CRY1: variants seen among roughly 807,000 people sequenced by gnomAD.
CRY1 encodes the protein cryptochrome circadian regulator 1, also known as cryptochrome-1.
CRY1 carries 45 observed loss-of-function variants against 76.0 expected under a neutral mutation model. The observed-to-expected ratio is 0.59, with a 90% CI of 0.47 to 0.76. The LOEUF (loss-of-function observed/expected upper bound fraction) is 0.76. Among genes scored for constraint, CRY1 ranks in the 30% least tolerant of loss-of-function variants. The probability of loss-of-function intolerance (pLI) is 0.00; values close to 1 mark genes in which losing one functional copy is unlikely to be tolerated. For synonymous variants in CRY1, 248 were observed against 244.0 expected (o/e 1.02, Z -0.15); for missense variants, 587 against 716.4 (o/e 0.82, Z 2.06).
intron 1 of CRY1, among the ~76,000 whole-genome samples, chr12:107,058,292 A>G (rs10746081): frequency 0.55 from 83,310 of 151,892 alleles, 23,195 homozygotes; most frequent in East Asian, 0.72. Flanking sequence ...ACACAGATGC[A>G]CACACACACA....
intron 1 of CRY1, among the ~76,000 whole-genome samples, chr12:107,089,291 T>C (rs1953441148): frequency 6.6e-6 from 1 of 152,172 alleles, no homozygotes; most frequent in African/African-American, 2.4e-5. Flanking sequence ...ATCAAAAACA[T>C]GTTATTCTGA....
chr12:107,065,548 T>C (rs1953099617), intron 1 of CRY1, among the ~76,000 whole-genome samples: 1 of 151,984 alleles, frequency 6.6e-6, no homozygotes, highest in African/African-American at 2.4e-5. Flanking sequence ...TGAGCTGAGA[T>C]TGCGCCATTG....
chr12:107,010,633 G>A (rs1400157121), intron 2 of CRY1, among the ~76,000 whole-genome samples: 7 of 151,382 alleles, frequency 4.6e-5, no homozygotes, highest in South Asian at 2.1e-4. Context: ...TTTAAGAGAC[G>A]TGGTTTCACT....
chr12:107,010,815 T>C (rs975057002), intron 2 of CRY1, among the ~76,000 whole-genome samples: 1 of 151,940 alleles, frequency 6.6e-6, no homozygotes, highest in Admixed American at 6.6e-5. Context: ...TAAAAGAGGG[T>C]GAACTTAACT....
At chr12:107,005,393 T>G in intron 2 of CRY1, 145 bp from the exon 3 acceptor site, 2 of 826,100 alleles carry the variant, frequency 2.4e-6, no homozygotes, top group East Asian at 2.7e-5. Flanking sequence ...AGTAAACAAT[T>G]TATCAATTAA....
At chr12:107,071,876 AACTG>A (rs543056624) in intron 1 of CRY1, among the ~76,000 whole-genome samples, 217 of 152,318 alleles carry the variant, frequency 1.4e-3, no homozygotes, top group African/African-American at 5.1e-3. Context: ...TCAATTATCA[AACTG>A]ACTGACAAGA....
At chr12:107,060,221 T>C (rs1015895318) in intron 1 of CRY1, among the ~76,000 whole-genome samples, 7 of 152,232 alleles carry the variant, frequency 4.6e-5, no homozygotes, top group African/African-American at 1.4e-4. Context: ...AAAAAGCACA[T>C]GTTAGAAACT....
At chr12:107,019,923 G>A (rs1398955982) in intron 2 of CRY1, among the ~76,000 whole-genome samples, 1 of 151,526 alleles carries the variant, frequency 6.6e-6, no homozygotes, top group Non-Finnish European at 1.5e-5. Context: ...TGTCTCCCCA[G>A]CACCAAACAA....
In CRY1 at chr12:106,999,785, T is replaced by C; in HGVS notation, c.903A>G (p.Thr301=). The C allele has an allele frequency of 3.7e-6, 6 of 1,614,258 alleles. No individual in the cohort carries two copies. Among genetic ancestry groups the C allele is most frequent in the Non-Finnish European group, 5.1e-6 (6 of 1,180,044 alleles). ...CCATTTTATCAAAGCGTGGATTATT[T>C]GTTGCTGCTGTATAGAAAAATTCAC... ...LWREFFYTAA[T]NNPRFDKMEG... Residue 301 remains threonine, a synonymous_variant, in exon 7 of 13, where the codon ACA becomes ACG. Coordinates refer to ENST00000008527, the MANE Select transcript of CRY1 (RefSeq NM_004075.5).
intron 1 of CRY1, among the ~76,000 whole-genome samples, chr12:107,087,665 T>G (rs1439285186): frequency 6.6e-6 from 1 of 152,222 alleles, no homozygotes; most frequent in Non-Finnish European, 1.5e-5. Context: ...GAATCTGCCT[T>G]GAGTCTCGGA....
chr12:107,042,743 T>G (rs916267474), intron 1 of CRY1, among the ~76,000 whole-genome samples: 4 of 152,104 alleles, frequency 2.6e-5, no homozygotes, highest in East Asian at 1.9e-4. Context: ...GAAACCCTGG[T>G]GAGTACAGAA....
intron 2 of CRY1, among the ~76,000 whole-genome samples, chr12:107,016,617 A>G (rs1952500529): frequency 1.3e-5 from 2 of 152,176 alleles, no homozygotes; most frequent in Admixed American, 1.3e-4. Flanking sequence ...TCTGTTTCAT[A>G]ACTCTAGTCT....
At chr12:107,082,016 C>G (rs1953332057) in intron 1 of CRY1, among the ~76,000 whole-genome samples, 1 of 151,748 alleles carries the variant, frequency 6.6e-6, no homozygotes, top group Admixed American at 6.6e-5. Flanking sequence ...ATAAAAGCAG[C>G]TTTAAAACTA....
chr12:107,053,730 A>C (rs902046411), intron 1 of CRY1, among the ~76,000 whole-genome samples: 1 of 152,252 alleles, frequency 6.6e-6, no homozygotes, highest in African/African-American at 2.4e-5. Context: ...GGTTTCAAGG[A>C]GCACTGTAAA....
intron 1 of CRY1, among the ~76,000 whole-genome samples, chr12:107,073,714 T>C (rs1380456665): frequency 6.6e-6 from 1 of 152,048 alleles, no homozygotes; most frequent in African/African-American, 2.4e-5. Flanking sequence ...GGGCGACCAA[T>C]TGAGACAGAG....
In CRY1 at chr12:107,006,638, C is replaced by CGTTTTTTTTTTTTTTTTTTTTTT. The variant is rs71076707; in HGVS notation, c.268-1391_268-1390insAAAAAAAAAAAAAAAAAAAAAAC. On this transcript the variant is annotated intron_variant, in intron 2 of 12. Transcript: ENST00000008527. ...CTTGCCAATAATATGTATTAGTAAT[C>CGTTTTTTTTTTTTTTTTTTTTTT]TTTTTTTTTTTTTTTTTTAGATGAC... Among the ~76,000 whole-genome samples, 3 of 137,108 alleles carry CGTTTTTTTTTTTTTTTTTTTTTT rather than the reference C, an allele frequency of 2.2e-5. 1 individual carries two copies. The allele number at this position is 137,108 out of a possible 152,430, so 89.9% of individuals were successfully genotyped here.
At chr12:107,067,541 A>G (rs1242241207) in intron 1 of CRY1, among the ~76,000 whole-genome samples, 1 of 151,980 alleles carries the variant, frequency 6.6e-6, no homozygotes, top group African/African-American at 2.4e-5. Context: ...GCATGTTAGG[A>G]AGACTTTTCT....
At chr12:107,040,775 C>T (rs1045777932) in intron 1 of CRY1, among the ~76,000 whole-genome samples, 2 of 152,012 alleles carry the variant, frequency 1.3e-5, no homozygotes, top group Non-Finnish European at 1.5e-5. Context: ...CTAAATCTGA[C>T]GTGATATTCT....
chr12:107,061,311 C>T (rs151267262), intron 1 of CRY1, among the ~76,000 whole-genome samples: 1 of 151,892 alleles, frequency 6.6e-6, no homozygotes, highest in Non-Finnish European at 1.5e-5. Context: ...TCAGTGAACC[C>T]TAAAAAAGCT....
Sources: gnomAD v4.1 joint callset for allele counts (sites outside exome capture counted in the v4.1 genomes callset) on GRCh38, gnomAD v4.1.1 for gene constraint, MANE v1.5 for transcripts, NCBI Gene and HGNC (gene_info 2026-07-23, HGNC 2026-07-21) for gene names.